The following ARHGEF18 variants were observed in gnomAD, a reference collection of about 807,000 sequenced individuals.
ARHGEF18 encodes Rho/Rac guanine nucleotide exchange factor 18.
A neutral mutation model predicts 155.7 loss-of-function variants in ARHGEF18; 93 were observed. The ratio of observed to expected loss-of-function variants is 0.60; its 90% CI spans 0.50 to 0.71. ARHGEF18 has a LOEUF of 0.71. Among genes scored for constraint, ARHGEF18 ranks in the 30% least tolerant of loss-of-function variants. ARHGEF18 has a pLI of 0.00. For missense variants in ARHGEF18, 1,593 were observed against 1,816.1 expected, an observed-to-expected ratio of 0.88 and a Z score of 2.23; for synonymous variants, 742 against 753.1, an observed-to-expected ratio of 0.99 and a Z score of 0.24.
chr19:7,355,768 C>T (rs989539172), intron 1 of ARHGEF18: 2 of 953,792 alleles, frequency 2.1e-6, no homozygotes, highest in East Asian at 1.2e-4. Flanking sequence ...ACAGCCTGCC[C>T]GCCATCCCCC....
intron 2 of ARHGEF18, among the ~76,000 whole-genome samples, chr19:7,369,720 C>T (rs1190828177): frequency 6.6e-6 from 1 of 151,964 alleles, no homozygotes; most frequent in East Asian, 1.9e-4. Context: ...TTGTTTGAAC[C>T]CGGGAGGCAG....
chr19:7,477,218 T>A (rs1977255463), downstream of ARHGEF18: 18 of 1,516,010 alleles, frequency 1.2e-5, no homozygotes, highest in Non-Finnish European at 1.4e-5. Context: ...GGTAGTGGCC[T>A]CGGCCTGGCC....
intron 16 of ARHGEF18, 58 bp downstream of exon 16, chr19:7,451,324 C>A: frequency 2.1e-6 from 3 of 1,427,260 alleles, no homozygotes; most frequent in Non-Finnish European, 2.9e-6. Flanking sequence ...GGGCTCTCTC[C>A]GTGTACCCAC....
chr19:7,453,904 G>A (rs1351390443), intron 17 of ARHGEF18, among the ~76,000 whole-genome samples, 189 bp downstream of exon 17: 1 of 152,162 alleles, frequency 6.6e-6, no homozygotes, highest in African/African-American at 2.4e-5. Context: ...GTATCAGTGG[G>A]TACCATTTTG....
At chr19:7,431,769 G>A (rs1312318012) in intron 10 of ARHGEF18, among the ~76,000 whole-genome samples, 1 of 152,358 alleles carries the variant, frequency 6.6e-6, no homozygotes, top group East Asian at 1.9e-4. Context: ...AGCCGAGATT[G>A]CGCCATTGTG....
At position 7,462,928 on chromosome 19, in the gene ARHGEF18, C is replaced by A. The variant is rs1351675918; in HGVS notation, c.2635+594C>A. Among the ~76,000 whole-genome samples, 2 of 150,294 alleles carry A rather than the reference C, an allele frequency of 1.3e-5. No individual in the cohort carries two copies. The highest frequency in any genetic ancestry group is 2.9e-5 in the Non-Finnish European group (2 of 67,830). ...CTCGGCTCACTGCAACCTCCACCTC[C>A]TGGGTTTAAGTAATTCTGCCTCAGC... On this transcript the variant is annotated intron_variant, in intron 21 of 28. Coordinates refer to ENST00000668164, the MANE Select transcript of ARHGEF18 (RefSeq NM_001367823.1). This position sits in a 1 kb window ranked among gnomAD's most constrained non-coding sequence, Gnocchi z 4.4.
At chr19:7,473,608 G>A (rs988403031), downstream of ARHGEF18, among the ~76,000 whole-genome samples, 4 of 151,930 alleles carry the variant, frequency 2.6e-5, no homozygotes, top group Non-Finnish European at 4.4e-5. Flanking sequence ...TCAGGAGATC[G>A]AGACCATCCT....
chr19:7,381,690 A>T lies in ARHGEF18; in HGVS notation c.722+696A>T, dbSNP rs747587214. ...GAAACTCCGTCTCAAAAATAAATAA[A>T]TAATAAATAAATAAATAAATAAATA... On this transcript the variant is annotated intron_variant, in intron 8 of 28. Transcript: ENST00000668164. Among the ~76,000 whole-genome samples, 21 of 128,166 alleles carry T rather than the reference A, an allele frequency of 1.6e-4. 1 individual carries two copies. Among genetic ancestry groups the T allele is most frequent in the South Asian group, 4.4e-4 (2 of 4,506 alleles). The allele number at this position is 128,166 out of a possible 152,430, so 84.1% of individuals were successfully genotyped here.
intron 1 of ARHGEF18, among the ~76,000 whole-genome samples, chr19:7,354,794 G>A (rs1171891109): frequency 6.6e-6 from 1 of 152,138 alleles, no homozygotes; most frequent in Non-Finnish European, 1.5e-5. Context: ...TAGCTACTCA[G>A]GAGGCTGAGG....
At chr19:7,408,358 A>G (rs989415560) in intron 10 of ARHGEF18, among the ~76,000 whole-genome samples, 1 of 152,228 alleles carries the variant, frequency 6.6e-6, no homozygotes, top group Non-Finnish European at 1.5e-5. Context: ...TCAACTCAAA[A>G]GAAGCCACAG....
downstream of ARHGEF18, among the ~76,000 whole-genome samples, chr19:7,474,850 C>T (rs1977185574): frequency 6.6e-6 from 1 of 151,906 alleles, no homozygotes. Context: ...CCTAGCTGAC[C>T]CCTCCACTGG....
chr19:7,407,413 G>T (rs1419234252), intron 10 of ARHGEF18, among the ~76,000 whole-genome samples: 7 of 149,174 alleles, frequency 4.7e-5, no homozygotes. Flanking sequence ...GTGACAGAGT[G>T]AGACTGAGTC....
At chr19:7,407,983 A>AAAAAAAAAAAAAAC (rs1555711562) in intron 10 of ARHGEF18, among the ~76,000 whole-genome samples, 7 of 141,966 alleles carry the variant, frequency 4.9e-5, no homozygotes, top group African/African-American at 2.1e-4. Context: ...AAAAAAAAAA[A>AAAAAAAAAAAAAAC]AAAAGAGGTA....
At position 7,458,587 on chromosome 19, in the gene ARHGEF18, C is replaced by T. The variant is rs530735631; in HGVS notation, c.2257C>T (p.Leu753=). Reference sequence around the variant, plus strand: ...GGCCAACGAGGAGAAAGCGATGTTTCTGATCAGCGCCTCCTTGCAAGGGCC... The same window carrying T: ...GGCCAACGAGGAGAAAGCGATGTTTTTGATCAGCGCCTCCTTGCAAGGGCC... ...EVANEEKAMF[L]ISASLQGPEM... is the part of the protein sequence containing the mutation. Residue 753 remains leucine (L), a synonymous_variant, in exon 19 of 29, where the codon CTG becomes TTG. Transcript: ENST00000668164. 1 of 1,614,198 alleles carries T rather than the reference C, an allele frequency of 6.2e-7. No homozygotes were observed. Among genetic ancestry groups the T allele is most frequent in the Middle Eastern group, 1.6e-4 (1 of 6,062 alleles).
chr19:7,404,011 T>G (rs1467111777), intron 10 of ARHGEF18, among the ~76,000 whole-genome samples: 2 of 150,060 alleles, frequency 1.3e-5, no homozygotes, highest in Non-Finnish European at 1.5e-5. Context: ...GAGGTTGTAG[T>G]CAGACGAGAT....
intron 10 of ARHGEF18, among the ~76,000 whole-genome samples, chr19:7,384,125 A>G (rs1600245785): frequency 6.6e-6 from 1 of 152,228 alleles, no homozygotes; most frequent in Admixed American, 6.5e-5. Context: ...TGTGGCTGGC[A>G]GAACTCAGGC....
chr19:7,352,742 C>CCAG (rs1394701647), intron 1 of ARHGEF18, among the ~76,000 whole-genome samples: 1 of 150,000 alleles, frequency 6.7e-6, no homozygotes, highest in Non-Finnish European at 1.5e-5. Flanking sequence ...ACAGTGTTAG[C>CCAG]CAGGATGGTC....
intron 10 of ARHGEF18, among the ~76,000 whole-genome samples, chr19:7,427,675 G>A (rs1263284206): frequency 1.3e-5 from 2 of 151,396 alleles, no homozygotes; most frequent in African/African-American, 4.9e-5. Flanking sequence ...GCCGGGCGCA[G>A]TGGCTCACAC....
chr19:7,427,645 TAAA>T (rs550345618), intron 10 of ARHGEF18, among the ~76,000 whole-genome samples: 3 of 105,712 alleles, frequency 2.8e-5, no homozygotes, highest in Admixed American at 1.0e-4. Flanking sequence ...ACCCTGTCTC[TAAA>T]AAAAAAAAAA....
Sources: allele counts gnomAD v4.1 joint callset (sites outside exome capture counted in the v4.1 genomes callset), GRCh38; gene constraint gnomAD v4.1.1; non-coding constraint Gnocchi (gnomAD v3.1); transcripts MANE v1.5; gene names NCBI Gene and HGNC (gene_info 2026-07-23, HGNC 2026-07-21).